Variants in ADAM12 observed in about 807,000 individuals in gnomAD.
ADAM12 encodes the protein disintegrin and metalloproteinase domain-containing protein 12.
A neutral mutation model predicts 106.4 loss-of-function variants in ADAM12; 70 were observed. The observed-to-expected ratio is 0.66, with a 90% CI of 0.54 to 0.80. The LOEUF is 0.80. Among genes scored for constraint, ADAM12 ranks in the 30% least tolerant of loss-of-function variants. The pLI is 0.00. For synonymous variants in ADAM12, 420 were observed against 433.5 expected, an observed-to-expected ratio of 0.97 and a Z score of 0.39; for missense variants, 1,010 against 1,171.9, an observed-to-expected ratio of 0.86 and a Z score of 2.02.
At chr10:126,222,594 G>A (rs1003804696) in intron 3 of ADAM12, among the ~76,000 whole-genome samples, 24 of 151,664 alleles carry the variant, frequency 1.6e-4, no homozygotes, top group African/African-American at 5.8e-4. Flanking sequence ...ACTCACTGGG[G>A]GTCCTTTGGT....
intron 3 of ADAM12, among the ~76,000 whole-genome samples, chr10:126,208,665 G>A (rs1435555576): frequency 1.3e-5 from 2 of 152,130 alleles, no homozygotes; most frequent in African/African-American, 4.8e-5. Flanking sequence ...CAAAATTCAG[G>A]TAGAAGAGAA....
intron 2 of ADAM12, among the ~76,000 whole-genome samples, chr10:126,324,682 A>G (rs1298727768): frequency 1.3e-5 from 2 of 152,180 alleles, no homozygotes; most frequent in African/African-American, 4.8e-5. Context: ...AAACCTTACT[A>G]TTTCAGGGGA....
At chr10:126,317,430 A>G (rs1853920755) in intron 2 of ADAM12, among the ~76,000 whole-genome samples, 1 of 152,222 alleles carries the variant, frequency 6.6e-6, no homozygotes, top group African/African-American at 2.4e-5. Flanking sequence ...TCTGCTGAGT[A>G]AAAAGTGCAT....
chr10:126,213,340 C>G (rs914502595), intron 3 of ADAM12, among the ~76,000 whole-genome samples: 7 of 152,172 alleles, frequency 4.6e-5, no homozygotes, highest in Non-Finnish European at 8.8e-5. Context: ...TTAGATAGAA[C>G]ACACTCGTTT....
intron 22 of ADAM12, among the ~76,000 whole-genome samples, 176 bp from the exon 23 acceptor site, chr10:126,017,515 A>T (rs1157862889): frequency 6.6e-6 from 1 of 152,194 alleles, no homozygotes; most frequent in Non-Finnish European, 1.5e-5. Context: ...CTTCCCACCC[A>T]CAAGTCAACT....
At chr10:126,117,501 G>A (rs978168140) in intron 6 of ADAM12, among the ~76,000 whole-genome samples, 20 of 152,192 alleles carry the variant, frequency 1.3e-4, no homozygotes, top group African/African-American at 3.4e-4. Context: ...GCCACATCAC[G>A]TGGAGGAAGG....
In ADAM12 at chr10:126,121,208, CTA is replaced by C. The variant is rs531510089; in HGVS notation, c.417-2986_417-2985del. 5.3e-3 allele frequency among the ~76,000 whole-genome samples: 528 copies of C among 99,552 alleles called. 27 individuals are homozygous for C. In the East Asian group the frequency reaches 0.12, roughly 22 times the overall value. 65.3% of individuals were successfully genotyped at this position (99,552 alleles called of 152,430 possible). On this transcript the variant is annotated intron_variant, in intron 5 of 22. Transcript: ENST00000448723. The stretch of plus-strand genomic sequence containing the variant: ...CTATATACTATATATATACTATATA[CTA>C]TATATATTATATACTATAGTATATA...
At chr10:126,170,038 A>AC (rs1223800963) in intron 3 of ADAM12, among the ~76,000 whole-genome samples, 1 of 152,136 alleles carries the variant, frequency 6.6e-6, no homozygotes, top group Admixed American at 6.5e-5. Flanking sequence ...TCCTTTACCC[A>AC]CCCAGCTCGG....
At chr10:126,094,486 A>G (rs1231466164) in intron 10 of ADAM12, among the ~76,000 whole-genome samples, 1 of 152,160 alleles carries the variant, frequency 6.6e-6, no homozygotes, top group Non-Finnish European at 1.5e-5. Flanking sequence ...ATCCTGCATC[A>G]TAGGAAAAGC....
intron 3 of ADAM12, among the ~76,000 whole-genome samples, chr10:126,214,586 A>C (rs1009821521): frequency 6.6e-6 from 1 of 152,220 alleles, no homozygotes; most frequent in East Asian, 1.9e-4. Context: ...GTGTGGGAGT[A>C]GATGGTCAGA....
At chr10:126,122,650 A>G (rs1956135691) in intron 5 of ADAM12, among the ~76,000 whole-genome samples, 1 of 152,154 alleles carries the variant, frequency 6.6e-6, no homozygotes, top group Non-Finnish European at 1.5e-5. Context: ...AGTCCCAGCT[A>G]CTTGGGAGGC....
chr10:126,256,339 T>C (rs1396639345), intron 3 of ADAM12, among the ~76,000 whole-genome samples: 1 of 152,220 alleles, frequency 6.6e-6, no homozygotes, highest in Non-Finnish European at 1.5e-5. Flanking sequence ...GTTTATGACC[T>C]GGACCCTTTG....
chr10:126,156,108 C>T (rs762732034), intron 3 of ADAM12, among the ~76,000 whole-genome samples: 4 of 152,226 alleles, frequency 2.6e-5, no homozygotes, highest in South Asian at 2.1e-4. Flanking sequence ...GTGTAACTAC[C>T]GCTGCCAGGT....
intron 3 of ADAM12, among the ~76,000 whole-genome samples, chr10:126,242,108 A>T (rs1476376063): frequency 6.6e-6 from 1 of 152,138 alleles, no homozygotes; most frequent in African/African-American, 2.4e-5. Flanking sequence ...TTGCATGCAA[A>T]TCAAATTTTT....
intron 2 of ADAM12, among the ~76,000 whole-genome samples, chr10:126,292,687 A>T (rs538395064): frequency 3.4e-4 from 52 of 152,342 alleles, no homozygotes; most frequent in Middle Eastern, 3.4e-3. Context: ...AGTCCCTGTC[A>T]TGACTGCTCA....
chr10:126,299,473 G>C (rs1326529616), intron 2 of ADAM12, among the ~76,000 whole-genome samples: 1 of 152,136 alleles, frequency 6.6e-6, no homozygotes, highest in Non-Finnish European at 1.5e-5. Context: ...TCAGCAACTT[G>C]CCCAAGGTTA....
intron 3 of ADAM12, among the ~76,000 whole-genome samples, chr10:126,240,459 G>A (rs553982972): frequency 3.3e-5 from 5 of 152,338 alleles, no homozygotes; most frequent in Admixed American, 6.5e-5. Flanking sequence ...TACATAAAAC[G>A]AGTAAACACA....
intron 2 of ADAM12, among the ~76,000 whole-genome samples, chr10:126,302,172 C>G (rs1960653503): frequency 6.6e-6 from 1 of 152,160 alleles, no homozygotes; most frequent in African/African-American, 2.4e-5. Context: ...CCACCAACCC[C>G]ACCCCCAGGG....
intron 11 of ADAM12, among the ~76,000 whole-genome samples, chr10:126,082,363 G>GTTTTT (rs5788763): frequency 0.13 from 10,652 of 80,706 alleles, 2,252 homozygotes; most frequent in Middle Eastern, 0.19. Context: ...TCTAATGACT[G>GTTTTT]TTTTTTTTTT....
Sources: gnomAD v4.1 joint callset for allele counts (sites outside exome capture counted in the v4.1 genomes callset) on GRCh38, gnomAD v4.1.1 for gene constraint, MANE v1.5 for transcripts, NCBI Gene and HGNC (gene_info 2026-07-23, HGNC 2026-07-21) for gene names.